Variants in DCUN1D3 observed in about 807,000 individuals in gnomAD.
DCUN1D3 encodes the protein DCN1-like protein 3.
DCUN1D3 carries 6 observed loss-of-function variants against 24.8 expected under a neutral mutation model. That is an observed-to-expected ratio of 0.24 (90% confidence interval 0.13 to 0.48). The LOEUF is 0.48. Ranked by LOEUF, DCUN1D3 falls within the 20% of genes least tolerant of loss-of-function variation. The pLI is 0.99. For missense variants in DCUN1D3, 258 were observed against 379.4 expected, an observed-to-expected ratio of 0.68 and a Z score of 2.66; for synonymous variants, 120 against 144.9, an observed-to-expected ratio of 0.83 and a Z score of 1.24.
intron 1 of DCUN1D3, among the ~76,000 whole-genome samples, chr16:20,879,503 G>GA (rs71149188): frequency 2.0e-5 from 3 of 151,564 alleles, no homozygotes; most frequent in Non-Finnish European, 2.9e-5. Context: ...TTTAACAGGA[G>GA]AAAAAAAAAT....
chr16:20,874,852 A>AT (rs2081805866), intron 1 of DCUN1D3, among the ~76,000 whole-genome samples: 1 of 152,062 alleles, frequency 6.6e-6, no homozygotes, highest in Non-Finnish European at 1.5e-5. Context: ...ATTTTCACAA[A>AT]TGCTCATGTA....
At chr16:20,881,033 TAA>T (rs2081841248) in intron 1 of DCUN1D3, among the ~76,000 whole-genome samples, 2 of 152,216 alleles carry the variant, frequency 1.3e-5, no homozygotes, top group Non-Finnish European at 1.5e-5. Context: ...TTTGGTGTGC[TAA>T]GTCTTTGAGT....
intron 1 of DCUN1D3, among the ~76,000 whole-genome samples, chr16:20,887,657 A>C (rs2152518590): frequency 6.6e-6 from 1 of 152,366 alleles, no homozygotes; most frequent in Non-Finnish European, 1.5e-5. Flanking sequence ...CTGGCCTCAG[A>C]GGAGTTCACC....
At chr16:20,885,039 A>C (rs2081862249) in intron 1 of DCUN1D3, among the ~76,000 whole-genome samples, 1 of 150,296 alleles carries the variant, frequency 6.7e-6, no homozygotes, top group African/African-American at 2.5e-5. Flanking sequence ...ACAATGGCAC[A>C]ATCTTGGCTC....
rs746304929 is a variant in DCUN1D3, at chr16:20,859,795, C to T, written c.*91G>A. The T allele has an allele frequency of 5.8e-5, 85 of 1,473,262 alleles. No individual in the cohort carries two copies. The highest frequency in any genetic ancestry group is 7.0e-5 in the Non-Finnish European group (77 of 1,104,496). The allele number at this position is 1,473,262 out of a possible 1,614,324, so 91.3% of individuals were successfully genotyped here. On this transcript the variant is annotated 3_prime_UTR_variant, in exon 3 of 3. Transcript: ENST00000324344. Reference sequence around the variant, plus strand: ...AGAAAGGTGTAAAGTAGAAAATATCCGGATCTTCAGTAATTTCCAAAATGG... The same window carrying T: ...AGAAAGGTGTAAAGTAGAAAATATCTGGATCTTCAGTAATTTCCAAAATGG...
At chr16:20,878,237 C>T (rs1001698562) in intron 1 of DCUN1D3, among the ~76,000 whole-genome samples, 3 of 152,192 alleles carry the variant, frequency 2.0e-5, no homozygotes, top group African/African-American at 7.2e-5. Flanking sequence ...TAATGTGATA[C>T]AAACACAGCT....
intron 1 of DCUN1D3, among the ~76,000 whole-genome samples, chr16:20,888,731 C>G (rs2081878209): frequency 2.6e-5 from 4 of 152,210 alleles, no homozygotes; most frequent in Admixed American, 2.6e-4. Context: ...GCTAGGACTA[C>G]AGGCATGAGC....
intron 1 of DCUN1D3, among the ~76,000 whole-genome samples, chr16:20,870,939 G>A (rs970593081): frequency 4.6e-5 from 7 of 152,186 alleles, no homozygotes; most frequent in East Asian, 3.8e-4. Context: ...GCCATCCTCC[G>A]GAGAGTCTCA....
chr16:20,872,065 G>C (rs570910379), intron 1 of DCUN1D3, among the ~76,000 whole-genome samples: 1 of 152,278 alleles, frequency 6.6e-6, no homozygotes, highest in South Asian at 2.1e-4. Flanking sequence ...GTAAACCACT[G>C]ATTAGCACTA....
rs1329020108 is a variant in DCUN1D3 at position 20,858,829 on chromosome 16, G to A, written c.*1057C>T. 3 of 124,652 alleles carry A rather than the reference G, an allele frequency of 2.4e-5. No individual in the cohort carries two copies. The highest frequency in any genetic ancestry group is 3.3e-5 in the Non-Finnish European group (2 of 59,984). 7.7% of individuals were successfully genotyped at this position (124,652 alleles called of 1,614,324 possible). A position where few individuals can be genotyped will look rare whatever the true frequency, so the allele number is the denominator to read the frequency against. On this transcript the variant is annotated 3_prime_UTR_variant, in exon 3 of 3. Transcript: ENST00000324344. ...GACAAGTAAGCTGATGATATTCAAA[G>A]AAAAAAATAAAAATATTAAAAAAAA...
Position 20,859,642 on chromosome 16 carries a change from A to C in DCUN1D3, c.*244T>G. 2.4e-6 allele frequency: 1 copy of C among 423,964 alleles called. No individual in the cohort carries two copies. The allele number at this position is 423,964 out of a possible 1,614,324, so 26.3% of individuals were successfully genotyped here. On this transcript the variant is annotated 3_prime_UTR_variant, in exon 3 of 3. Transcript: ENST00000324344. ...CTGAAGGCTTCAAAAAAAGATACAC[A>C]ACATGTAACCAGGTTCAAATATTCT... is the stretch of plus-strand genomic sequence containing the variant.
intron 1 of DCUN1D3, among the ~76,000 whole-genome samples, chr16:20,890,477 T>A (rs1020782538): frequency 6.6e-6 from 1 of 151,980 alleles, no homozygotes; most frequent in Non-Finnish European, 1.5e-5. Context: ...AAATTTTTTT[T>A]AACTAGCCAG....
intron 1 of DCUN1D3, among the ~76,000 whole-genome samples, chr16:20,896,726 C>T (rs935964379): frequency 1.3e-5 from 2 of 152,170 alleles, no homozygotes; most frequent in Non-Finnish European, 2.9e-5. Context: ...TAAGTTAAGT[C>T]CAAAACCTTT....
At chr16:20,897,687 A>G (rs2081922388) in intron 1 of DCUN1D3, among the ~76,000 whole-genome samples, 1 of 152,182 alleles carries the variant, frequency 6.6e-6, no homozygotes, top group African/African-American at 2.4e-5. Context: ...CATTCAGAGA[A>G]CTTATTATGC....
At chr16:20,861,999 C>CAA (rs2081735901) in intron 2 of DCUN1D3, 109 bp downstream of exon 2, 14 of 1,212,254 alleles carry the variant, frequency 1.2e-5, no homozygotes, top group South Asian at 4.5e-5. Context: ...AAAAACTTAC[C>CAA]CAAAACCCTA....
chr16:20,885,321 GGGACC>G (rs2081863701), intron 1 of DCUN1D3, among the ~76,000 whole-genome samples: 1 of 152,048 alleles, frequency 6.6e-6, no homozygotes, highest in Non-Finnish European at 1.5e-5. Flanking sequence ...ACTTGGCACA[GGGACC>G]TATCAGACTT....
intron 1 of DCUN1D3, among the ~76,000 whole-genome samples, chr16:20,883,773 CTTT>C (rs1053900321): frequency 3.9e-5 from 6 of 152,266 alleles, no homozygotes; most frequent in Admixed American, 6.5e-5. Flanking sequence ...TGTTGCACAA[CTTT>C]TTATTATCTC....
intron 1 of DCUN1D3, among the ~76,000 whole-genome samples, chr16:20,892,755 T>TG (rs869045627): frequency 2.0e-5 from 3 of 151,782 alleles, no homozygotes; most frequent in South Asian, 2.1e-4. Context: ...GGGGTTGGTT[T>TG]GGGGGGGAAA....
chr16:20,876,210 G>T (rs1050719041), intron 1 of DCUN1D3, among the ~76,000 whole-genome samples: 1 of 151,924 alleles, frequency 6.6e-6, no homozygotes, highest in Non-Finnish European at 1.5e-5. Context: ...CAGGTGATCC[G>T]CCTGCCTCAG....
Sources: gnomAD v4.1 joint callset for allele counts (sites outside exome capture counted in the v4.1 genomes callset) on GRCh38, gnomAD v4.1.1 for gene constraint, MANE v1.5 for transcripts, NCBI Gene and HGNC (gene_info 2026-07-23, HGNC 2026-07-21) for gene names.